Variants in ANO6 observed in about 807,000 individuals in gnomAD.
ANO6 encodes the protein anoctamin-6.
In ANO6, 106 loss-of-function variants were observed where a neutral mutation model predicts 117.5. The observed-to-expected ratio is 0.90, with a 90% CI of 0.77 to 1.06. The LOEUF is 1.06. ANO6 is among the 50% of genes least tolerant of loss of function. The probability of loss-of-function intolerance (pLI) is 0.00; values close to 1 mark genes in which losing one functional copy is unlikely to be tolerated. For synonymous variants in ANO6, 367 were observed against 385.1 expected (o/e 0.95, Z 0.55); for missense variants, 955 against 1,121.1 (o/e 0.85, Z 2.12).
In ANO6 at chr12:45,432,114, T is replaced by C; in HGVS notation, c.*2803T>C. 1 of 985,442 alleles carries C rather than the reference T, an allele frequency of 1.0e-6. No individual in the cohort carries two copies. Among genetic ancestry groups the C allele is most frequent in the Non-Finnish European group, 1.2e-6 (1 of 829,926 alleles). 61.0% of individuals were successfully genotyped at this position (985,442 alleles called of 1,614,324 possible). On this transcript the variant is annotated 3_prime_UTR_variant, in exon 20 of 20. Transcript: ENST00000320560. ...GAATGTACTCTTGTTGAAACACTTC[T>C]TGTACCATTTTATGTTCATATTATG...
In ANO6 at chr12:45,259,975, C is replaced by T. The variant is rs886208916; in HGVS notation, c.71-42039C>T. 9.2e-5 allele frequency among the ~76,000 whole-genome samples: 14 copies of T among 152,342 alleles called. No homozygotes were observed. In the South Asian group the frequency reaches 1.2e-3, roughly 14 times the overall value. On this transcript the variant is annotated intron_variant, in intron 1 of 19. Coordinates refer to ENST00000320560, the MANE Select transcript of ANO6 (RefSeq NM_001025356.3). Reference sequence around the variant, plus strand: ...GAGATGTGGGAATTATCCAACTCCTCGAATCCTGCCCAGGCAGATTCAGTG... The same window carrying T: ...GAGATGTGGGAATTATCCAACTCCTTGAATCCTGCCCAGGCAGATTCAGTG...
intron 6 of ANO6, among the ~76,000 whole-genome samples, chr12:45,350,425 C>T (rs1170725195): frequency 6.6e-6 from 1 of 152,120 alleles, no homozygotes; most frequent in Non-Finnish European, 1.5e-5. Flanking sequence ...GCAGTGCTCC[C>T]CAGGATTGTA....
At chr12:45,225,065 G>T (rs1392478930) in intron 1 of ANO6, among the ~76,000 whole-genome samples, 1 of 151,990 alleles carries the variant, frequency 6.6e-6, no homozygotes, top group Non-Finnish European at 1.5e-5. Flanking sequence ...GCACATGCCT[G>T]TGGTGCCAGC....
intron 1 of ANO6, among the ~76,000 whole-genome samples, chr12:45,275,374 T>C (rs1938522747): frequency 6.6e-6 from 1 of 152,124 alleles, no homozygotes; most frequent in African/African-American, 2.4e-5. Flanking sequence ...CACACCTGGC[T>C]AATTTTTGTA....
In ANO6 at chr12:45,430,928, C is replaced by T. The variant is rs1565779256; in HGVS notation, c.*1617C>T. 3.0e-6 allele frequency: 3 copies of T among 985,264 alleles called. No individual in the cohort carries two copies. The highest frequency in any genetic ancestry group is 3.6e-6 in the Non-Finnish European group (3 of 829,942). 61.0% of individuals were successfully genotyped at this position (985,264 alleles called of 1,614,324 possible). On this transcript the variant is annotated 3_prime_UTR_variant, in exon 20 of 20. Transcript: ENST00000320560. ...GCTTCACTGGGATGCTGTTAAACAC[C>T]AGAGGAGCCAACCTATCAGAATCCC...
intron 2 of ANO6, among the ~76,000 whole-genome samples, chr12:45,317,222 G>A (rs1355519085): frequency 6.8e-6 from 1 of 146,192 alleles, no homozygotes; most frequent in Non-Finnish European, 1.5e-5. Flanking sequence ...GCTGCATCCA[G>A]TAACTCGTAA....
chr12:45,244,403 T>TGGG (rs59579814), intron 1 of ANO6, among the ~76,000 whole-genome samples: 14 of 72,362 alleles, frequency 1.9e-4, no homozygotes, highest in African/African-American at 5.6e-4. Context: ...CTTCTCTATT[T>TGGG]GGGGGGGGGG....
intron 18 of ANO6, 80 bp from the exon 19 acceptor site, chr12:45,422,877 C>A: frequency 9.0e-7 from 1 of 1,110,422 alleles, no homozygotes; most frequent in Non-Finnish European, 1.4e-6. Flanking sequence ...CCCGGCATGA[C>A]CTCTTTTTAA....
At chr12:45,413,178 A>T (rs1487639573) in intron 16 of ANO6, among the ~76,000 whole-genome samples, 1 of 152,226 alleles carries the variant, frequency 6.6e-6, no homozygotes, top group African/African-American at 2.4e-5. Flanking sequence ...AGAATGGAAG[A>T]TAATATTTTG....
chr12:45,434,625 T>C (rs2137751579), downstream of ANO6, among the ~76,000 whole-genome samples: 1 of 152,142 alleles, frequency 6.6e-6, no homozygotes, highest in South Asian at 2.1e-4. Context: ...TAAAAGACAA[T>C]TAAACAAAGG....
rs1397481861 is a variant in ANO6 at position 45,440,228 on chromosome 12, C to T, written c.*290C>T. 7.5e-5 allele frequency: 18 copies of T among 240,126 alleles called. No homozygotes were observed. In the East Asian group the frequency reaches 1.5e-3, roughly 19 times the overall value. 14.9% of individuals were successfully genotyped at this position (240,126 alleles called of 1,614,324 possible). A position where few individuals can be genotyped will look rare whatever the true frequency, so the allele number is the denominator to read the frequency against. On this transcript the variant is annotated 3_prime_UTR_variant, in exon 20 of 20. Coordinates refer to the ANO6 transcript ENST00000425752. ...ATTTTTAAAAGGTAATTTAATTGAG[C>T]CTAATTTCTTTTTCTTTTTTCTTTT... is the stretch of plus-strand genomic sequence containing the variant.
At chr12:45,225,589 C>T (rs986031186) in intron 1 of ANO6, among the ~76,000 whole-genome samples, 3 of 151,852 alleles carry the variant, frequency 2.0e-5, no homozygotes, top group Admixed American at 6.6e-5. Context: ...CCCAGGTTCA[C>T]GCCATTCTCC....
At chr12:45,418,955 G>C (rs1375677931) in intron 17 of ANO6, among the ~76,000 whole-genome samples, 1 of 152,174 alleles carries the variant, frequency 6.6e-6, no homozygotes, top group Non-Finnish European at 1.5e-5. Context: ...GTGTGCTTGT[G>C]CAAGCATTAA....
intron 10 of ANO6, among the ~76,000 whole-genome samples, chr12:45,384,483 T>C (rs1352319327): frequency 6.6e-6 from 1 of 152,204 alleles, no homozygotes; most frequent in Non-Finnish European, 1.5e-5. Flanking sequence ...AAGTGAGAGA[T>C]GTGTGAGTCT....
At chr12:45,316,747 T>C (rs1469468407) in intron 2 of ANO6, among the ~76,000 whole-genome samples, 6 of 151,784 alleles carry the variant, frequency 4.0e-5, no homozygotes, top group Admixed American at 1.3e-4. Flanking sequence ...GATGATACTA[T>C]ATGTACATAA....
At chr12:45,272,399 TAAC>T (rs1165851442) in intron 1 of ANO6, among the ~76,000 whole-genome samples, 1 of 152,198 alleles carries the variant, frequency 6.6e-6, no homozygotes, top group Admixed American at 6.5e-5. Context: ...CAAACTTTTA[TAAC>T]TACCCTGCAA....
chr12:45,403,346 C>G, intron 14 of ANO6, 93 bp from the exon 15 acceptor site: 3 of 1,531,224 alleles, frequency 2.0e-6, no homozygotes, highest in Non-Finnish European at 2.7e-6. Context: ...TATTTTTTAG[C>G]CTAAACAGAA....
At chr12:45,308,141 T>C (rs1056960901) in intron 2 of ANO6, among the ~76,000 whole-genome samples, 6 of 143,486 alleles carry the variant, frequency 4.2e-5, no homozygotes, top group African/African-American at 1.6e-4. Context: ...AGTTTTAAGA[T>C]GGCAGGAATT....
chr12:45,407,380 G>A (rs1357429355), intron 15 of ANO6, among the ~76,000 whole-genome samples: 1 of 150,884 alleles, frequency 6.6e-6, no homozygotes, highest in Non-Finnish European at 1.5e-5. Context: ...AAGTTTGGGA[G>A]GCAAAGCAAA....
Sources: allele counts gnomAD v4.1 joint callset (sites outside exome capture counted in the v4.1 genomes callset), GRCh38; gene constraint gnomAD v4.1.1; transcripts MANE v1.5; gene names NCBI Gene and HGNC (gene_info 2026-07-23, HGNC 2026-07-21).